The following CAMKMT variants were observed in gnomAD, a reference collection of about 807,000 sequenced individuals.
CAMKMT encodes the protein calmodulin-lysine N-methyltransferase, also known as CaM KMT.
Under a neutral mutation model 48.0 loss-of-function variants are expected in CAMKMT, and 53 were observed. The ratio of observed to expected loss-of-function variants is 1.10; its 90% CI spans 0.89 to 1.39. The LOEUF is 1.39. Among genes scored for constraint, CAMKMT ranks in the 40% most tolerant of loss-of-function variants. The pLI is 0.00. For synonymous variants in CAMKMT, 165 were observed against 152.3 expected (o/e 1.08, Z -0.61); for missense variants, 428 against 402.7 (o/e 1.06, Z -0.54).
intron 3 of CAMKMT, among the ~76,000 whole-genome samples, chr2:44,428,130 C>G (rs1684401200): frequency 6.6e-6 from 1 of 152,114 alleles, no homozygotes; most frequent in African/African-American, 2.4e-5. Flanking sequence ...ACACCCTGCC[C>G]TCTTGGTACC....
At chr2:44,401,054 A>G (rs982772134) in intron 3 of CAMKMT, 1 of 151,224 alleles carries the variant, frequency 6.6e-6, no homozygotes, top group African/African-American at 2.4e-5. Context: ...ACAAGTGTTT[A>G]TTAAGTTCCT....
At chr2:44,558,983 G>A (rs918677914) in intron 3 of CAMKMT, among the ~76,000 whole-genome samples, 1 of 151,486 alleles carries the variant, frequency 6.6e-6, no homozygotes, top group African/African-American at 2.4e-5. Flanking sequence ...ATGTATGTAT[G>A]GATAGATAGA....
chr2:44,558,045 TC>T (rs1558701549), intron 3 of CAMKMT, among the ~76,000 whole-genome samples: 5 of 26,960 alleles, frequency 1.9e-4, no homozygotes, highest in Non-Finnish European at 5.5e-4. Context: ...ATTCATTCAT[TC>T]ATTCATTCAT....
intron 3 of CAMKMT, among the ~76,000 whole-genome samples, chr2:44,679,051 A>C (rs1675874328): frequency 6.6e-6 from 1 of 152,180 alleles, no homozygotes; most frequent in African/African-American, 2.4e-5. Context: ...ACTCTTATGA[A>C]TCGAATTCCC....
In CAMKMT at chr2:44,634,512, T is replaced by C. The variant is rs114856596; in HGVS notation, c.377-69771T>C. On this transcript the variant is annotated intron_variant, in intron 3 of 10. Transcript: ENST00000378494. ...CAGAAGCATTTTAATGCCTTTTAAA[T>C]ATAATAGTATATTGTTTAGAAATTT... 4.9e-3 allele frequency among the ~76,000 whole-genome samples: 747 copies of C among 152,216 alleles called. 9 individuals are homozygous for C. Among genetic ancestry groups the C allele is most frequent in the African/African-American group, 0.017 (697 of 41,542 alleles).
At chr2:44,575,452 A>G (rs552416996) in intron 3 of CAMKMT, among the ~76,000 whole-genome samples, 2 of 152,226 alleles carry the variant, frequency 1.3e-5, no homozygotes, top group South Asian at 2.1e-4. Context: ...GGTCTTGCCC[A>G]TTGTTGTTAT....
At chr2:44,693,506 C>G (rs541413949) in intron 3 of CAMKMT, among the ~76,000 whole-genome samples, 1 of 152,304 alleles carries the variant, frequency 6.6e-6, no homozygotes, top group Non-Finnish European at 1.5e-5. Flanking sequence ...CTTTGTCCTC[C>G]TCTTCCTTCT....
chr2:44,416,665 C>T (rs988892222), intron 3 of CAMKMT, among the ~76,000 whole-genome samples: 1 of 147,546 alleles, frequency 6.8e-6, no homozygotes, highest in Admixed American at 7.0e-5. Context: ...CCTGTGCCTC[C>T]TGGGTTCAAG....
intron 3 of CAMKMT, among the ~76,000 whole-genome samples, chr2:44,628,715 C>T (rs755415055): frequency 2.0e-5 from 3 of 151,972 alleles, no homozygotes; most frequent in Non-Finnish European, 4.4e-5. Context: ...TTTTGATATG[C>T]TATATTTTAA....
At chr2:44,565,966 A>T (rs772361327) in intron 3 of CAMKMT, among the ~76,000 whole-genome samples, 1 of 152,204 alleles carries the variant, frequency 6.6e-6, no homozygotes, top group Non-Finnish European at 1.5e-5. Flanking sequence ...CCGCACATGC[A>T]TGTGTACGTG....
chr2:44,575,910 G>T (rs978653053), intron 3 of CAMKMT, among the ~76,000 whole-genome samples: 38 of 152,046 alleles, frequency 2.5e-4, no homozygotes, highest in Non-Finnish European at 4.3e-4. Context: ...AGACTCTAAG[G>T]TAGCCACTAG....
intron 3 of CAMKMT, among the ~76,000 whole-genome samples, chr2:44,474,340 G>T (rs933614117): frequency 6.6e-6 from 1 of 151,658 alleles, no homozygotes; most frequent in African/African-American, 2.4e-5. Context: ...CCAGCTACTC[G>T]GGAGGCTGAG....
Position 44,625,044 on chromosome 2 carries a change from T to G in CAMKMT, c.377-79239T>G, listed in dbSNP as rs113390248. ...TGGCTGGGTTTTATGGTATGTATGG[T>G]ATATGTTTAACTTTGTAAGAAACTG... On this transcript the variant is annotated intron_variant, in intron 3 of 10. Transcript: ENST00000378494. 3.7e-3 allele frequency among the ~76,000 whole-genome samples: 569 copies of G among 152,298 alleles called. 6 individuals are homozygous for G. Among genetic ancestry groups the G allele is most frequent in the African/African-American group, 0.013 (545 of 41,570 alleles).
At chr2:44,629,433 C>CTTTTTTTTTTT (rs897761983) in intron 3 of CAMKMT, among the ~76,000 whole-genome samples, 12 of 125,320 alleles carry the variant, frequency 9.6e-5, no homozygotes, top group Non-Finnish European at 1.7e-4. Context: ...TTCTTTCTTT[C>CTTTTTTTTTTT]TTTTTTTTTT....
chr2:44,409,914 A>G (rs899829639), intron 3 of CAMKMT, among the ~76,000 whole-genome samples: 2 of 152,144 alleles, frequency 1.3e-5, no homozygotes, highest in Non-Finnish European at 2.9e-5. Flanking sequence ...AAGAGAAATA[A>G]TATCTGGTCC....
intron 3 of CAMKMT, among the ~76,000 whole-genome samples, chr2:44,671,488 C>G (rs1248335452): frequency 6.6e-6 from 1 of 152,224 alleles, no homozygotes; most frequent in Non-Finnish European, 1.5e-5. Context: ...GGGCAGATGA[C>G]TGTTTGTTGT....
chr2:44,414,244 C>T (rs1369677235), intron 3 of CAMKMT, among the ~76,000 whole-genome samples: 1 of 152,056 alleles, frequency 6.6e-6, no homozygotes, highest in Non-Finnish European at 1.5e-5. Flanking sequence ...GCACATTGCC[C>T]CAAATTTAGC....
chr2:44,722,361 A>G (rs1678519487), intron 7 of CAMKMT, among the ~76,000 whole-genome samples: 1 of 152,124 alleles, frequency 6.6e-6, no homozygotes, highest in Admixed American at 6.6e-5. Context: ...CAAAAAGTAT[A>G]TGATGTTTTC....
intron 3 of CAMKMT, among the ~76,000 whole-genome samples, chr2:44,439,251 G>A (rs918631681): frequency 2.6e-5 from 4 of 151,920 alleles, no homozygotes; most frequent in South Asian, 2.1e-4. Flanking sequence ...ATTCTTTCTC[G>A]TATAATTAGA....
Sources: gnomAD v4.1 joint callset for allele counts (sites outside exome capture counted in the v4.1 genomes callset) on GRCh38, gnomAD v4.1.1 for gene constraint, MANE v1.5 for transcripts, NCBI Gene and HGNC (gene_info 2026-07-23, HGNC 2026-07-21) for gene names.